RABGAP1: variants seen among roughly 807,000 people sequenced by gnomAD.
RABGAP1 encodes rab GTPase-activating protein 1.
A neutral mutation model predicts 137.6 loss-of-function variants in RABGAP1; 23 were observed. The observed-to-expected ratio is 0.17, with a 90% CI of 0.12 to 0.24. The LOEUF is 0.24. Among genes scored for constraint, RABGAP1 ranks in the 10% least tolerant of loss-of-function variants. The pLI is 1.00. For missense variants in RABGAP1, 906 were observed against 1,275.8 expected, an observed-to-expected ratio of 0.71 and a Z score of 4.42; for synonymous variants, 451 against 450.7, an observed-to-expected ratio of 1.00 and a Z score of -0.01.
chr9:122,986,439 A>G lies in RABGAP1; in HGVS notation c.590+20A>G, dbSNP rs760589139. 6 of 1,604,342 alleles carry G rather than the reference A, an allele frequency of 3.7e-6. No individual in the cohort carries two copies. The Admixed American group carries it at 5.0e-5, about 13-fold the overall frequency. The stretch of plus-strand genomic sequence containing the variant: ...TGTGAGGTGAGACTGGTTTGTTGAA[A>G]TCTTTCGATATTTACATCAGATCTC... On this transcript the variant is annotated intron_variant, in intron 4 of 25. Coordinates refer to ENST00000373647, the MANE Select transcript of RABGAP1 (RefSeq NM_012197.4).
chr9:122,948,652 G>A (rs1834063828), intron 1 of RABGAP1, among the ~76,000 whole-genome samples: 1 of 152,124 alleles, frequency 6.6e-6, no homozygotes, highest in East Asian at 1.9e-4. Flanking sequence ...CACTGGTTGA[G>A]CAACAAAAAT....
chr9:122,966,954 A>G (rs1835190700), intron 2 of RABGAP1, among the ~76,000 whole-genome samples: 1 of 152,166 alleles, frequency 6.6e-6, no homozygotes, highest in African/African-American at 2.4e-5. Context: ...ACAGCATGGG[A>G]AAGACCTGCC....
chr9:123,056,286 A>G (rs1220934597), intron 13 of RABGAP1, among the ~76,000 whole-genome samples: 2 of 152,142 alleles, frequency 1.3e-5, no homozygotes, highest in African/African-American at 4.8e-5. Context: ...TTTATGTGCA[A>G]TTTTTTGCAA....
chr9:123,040,629 G>A (rs1414394977), intron 13 of RABGAP1, among the ~76,000 whole-genome samples: 1 of 151,900 alleles, frequency 6.6e-6, no homozygotes, highest in East Asian at 1.9e-4. Context: ...TATATCCCCA[G>A]CCCTATCTTT....
At chr9:123,000,779 G>A (rs1338887611) in intron 10 of RABGAP1, among the ~76,000 whole-genome samples, 1 of 151,916 alleles carries the variant, frequency 6.6e-6, no homozygotes, top group Non-Finnish European at 1.5e-5. Flanking sequence ...CTCCCAAAGT[G>A]CTGGGATTAT....
At chr9:122,959,788 C>T (rs943184812) in intron 2 of RABGAP1, among the ~76,000 whole-genome samples, 1 of 152,206 alleles carries the variant, frequency 6.6e-6, no homozygotes, top group East Asian at 1.9e-4. Flanking sequence ...TCTCATCCTG[C>T]TTCCCCATGC....
At chr9:122,955,239 TC>T (rs1834446501) in intron 1 of RABGAP1, among the ~76,000 whole-genome samples, 1 of 152,218 alleles carries the variant, frequency 6.6e-6, no homozygotes, top group Admixed American at 6.5e-5. Context: ...CCCATAATTT[TC>T]TTTACCCTAA....
At chr9:123,021,241 A>T (rs1300176706) in intron 13 of RABGAP1, among the ~76,000 whole-genome samples, 1 of 151,950 alleles carries the variant, frequency 6.6e-6, no homozygotes, top group Non-Finnish European at 1.5e-5. Context: ...AAAAAGAAAA[A>T]AAGTTAAAAC....
chr9:123,087,909 T>C (rs1361691441), intron 19 of RABGAP1, among the ~76,000 whole-genome samples: 1 of 152,104 alleles, frequency 6.6e-6, no homozygotes, highest in Non-Finnish European at 1.5e-5. Context: ...ATCTGTAAAA[T>C]AAGAAAGTTA....
intron 20 of RABGAP1, 68 bp downstream of exon 20, chr9:123,089,918 C>A: frequency 7.3e-7 from 1 of 1,368,506 alleles, no homozygotes; most frequent in Non-Finnish European, 1.0e-6. Context: ...GCGCCTGTAA[C>A]TAGCTTTATT....
At chr9:122,964,382 G>T (rs932750460) in intron 2 of RABGAP1, among the ~76,000 whole-genome samples, 1 of 152,118 alleles carries the variant, frequency 6.6e-6, no homozygotes, top group Non-Finnish European at 1.5e-5. Flanking sequence ...TCAAGTGGGA[G>T]TTATTCCAGG....
intron 2 of RABGAP1, among the ~76,000 whole-genome samples, chr9:122,962,927 C>T (rs1276832106): frequency 1.3e-5 from 2 of 152,074 alleles, no homozygotes; most frequent in East Asian, 3.8e-4. Context: ...GCTGGATTGG[C>T]TATTCTGATT....
rs202206210 is a variant in RABGAP1 at position 122,956,855 on chromosome 9, T to TA, written c.-49-147dup. On this transcript the variant is annotated intron_variant, in intron 1 of 25. Transcript: ENST00000373647. ...CATGAAATTCCCTTATTATCTGGAA[T>TA]AAAAAAAAACCCTAAGCTATAAGTA... is the stretch of plus-strand genomic sequence containing the variant. 2.7e-3 allele frequency among the ~76,000 whole-genome samples: 413 copies of TA among 150,602 alleles called. 2 individuals carry two copies. Among genetic ancestry groups the TA allele is most frequent in the African/African-American group, 9.2e-3 (377 of 41,122 alleles).
chr9:123,000,083 T>G (rs1355495502), intron 10 of RABGAP1, among the ~76,000 whole-genome samples: 1 of 152,232 alleles, frequency 6.6e-6, no homozygotes, highest in Non-Finnish European at 1.5e-5. Context: ...TTTTAAATCC[T>G]TAAGCATAAT....
At chr9:122,984,000 AAG>A (rs1349213757) in intron 2 of RABGAP1, among the ~76,000 whole-genome samples, 2 of 152,230 alleles carry the variant, frequency 1.3e-5, no homozygotes, top group Admixed American at 6.5e-5. Context: ...TCAGAAATAC[AAG>A]AGACTTGCAT....
rs548959012 is a variant in RABGAP1 at position 122,946,010 on chromosome 9, G to A, written c.-50+4917G>A. 2.0e-5 allele frequency: 3 copies of A among 152,242 alleles called. No homozygotes were observed. The South Asian group carries it at 6.2e-4, about 32-fold the overall frequency. 9.4% of individuals were successfully genotyped at this position (152,242 alleles called of 1,614,324 possible). Reference sequence around the variant, plus strand: ...TTTTTAAGACTACTAAAGTGCAGTAGTGAGAACGGGGAAAAGAGTAGAACA... The same window carrying A: ...TTTTTAAGACTACTAAAGTGCAGTAATGAGAACGGGGAAAAGAGTAGAACA... On this transcript the variant is annotated intron_variant, in intron 1 of 25. Coordinates refer to ENST00000373647, the MANE Select transcript of RABGAP1 (RefSeq NM_012197.4).
At chr9:123,051,618 C>T (rs2033476249) in intron 13 of RABGAP1, among the ~76,000 whole-genome samples, 1 of 151,858 alleles carries the variant, frequency 6.6e-6, no homozygotes, top group Non-Finnish European at 1.5e-5. Context: ...TTAGTTATTT[C>T]TGTTTTTCAT....
intron 14 of RABGAP1, chr9:123,065,736 T>C (rs1306568262): frequency 1.3e-5 from 5 of 392,704 alleles, no homozygotes; most frequent in African/African-American, 6.2e-5. Flanking sequence ...CAAAATTTGT[T>C]TTTATGTTAA....
At chr9:123,020,204 T>G in intron 12 of RABGAP1, 105 bp from the exon 13 acceptor site, 1 of 1,035,444 alleles carries the variant, frequency 9.7e-7, no homozygotes. Context: ...CTTTGTTACC[T>G]TGTCACGTAT....
Sources: allele counts gnomAD v4.1 joint callset (sites outside exome capture counted in the v4.1 genomes callset), GRCh38; gene constraint gnomAD v4.1.1; transcripts MANE v1.5; gene names NCBI Gene and HGNC (gene_info 2026-07-23, HGNC 2026-07-21).